ZNF282: variants seen among roughly 807,000 people sequenced by gnomAD.
ZNF282 encodes HTLV-I U5 repressive element-binding protein 1.
Under a neutral mutation model 61.9 loss-of-function variants are expected in ZNF282, and 30 were observed. That is an observed-to-expected ratio of 0.48 (90% confidence interval 0.36 to 0.66). The LOEUF (loss-of-function observed/expected upper bound fraction) is 0.66. Among genes scored for constraint, ZNF282 ranks in the 30% least tolerant of loss-of-function variants. The probability of loss-of-function intolerance (pLI) is 0.00; values close to 1 mark genes in which losing one functional copy is unlikely to be tolerated. For synonymous variants in ZNF282, 396 were observed against 405.0 expected, an observed-to-expected ratio of 0.98 and a Z score of 0.27; for missense variants, 788 against 941.4, an observed-to-expected ratio of 0.84 and a Z score of 2.13.
At chr7:149,213,024 G>A (rs560364248) in intron 6 of ZNF282, among the ~76,000 whole-genome samples, 2 of 152,290 alleles carry the variant, frequency 1.3e-5, no homozygotes, top group South Asian at 4.1e-4. Flanking sequence ...AACTTGTAGG[G>A]AGGGTCTAGG....
chr7:149,221,325 G>T (rs1029553688), intron 7 of ZNF282, among the ~76,000 whole-genome samples: 1 of 152,202 alleles, frequency 6.6e-6, no homozygotes, highest in African/African-American at 2.4e-5. Flanking sequence ...CAAGTGCCTG[G>T]GCTGCCGGGC....
In ZNF282 at chr7:149,215,195, ATTT is replaced by A. The variant is rs36096302; in HGVS notation, c.1180+1404_1180+1406del. The stretch of plus-strand genomic sequence containing the variant: ...GTGTTCCCTGTCCATATTTCCTGAC[ATTT>A]TTTTTTTTTTTTTTTTTTTTTTGAG... On this transcript the variant is annotated intron_variant, in intron 7 of 7. Transcript: ENST00000610704. Among the ~76,000 whole-genome samples, 362 of 90,668 alleles carry A rather than the reference ATTT, an allele frequency of 4.0e-3. 1 individual carries two copies. Among genetic ancestry groups the A allele is most frequent in the African/African-American group, 0.011 (258 of 23,786 alleles). 59.5% of individuals were successfully genotyped at this position (90,668 alleles called of 152,430 possible). A position where few individuals can be genotyped will look rare whatever the true frequency, so the allele number is the denominator to read the frequency against.
intron 2 of ZNF282, among the ~76,000 whole-genome samples, chr7:149,200,762 A>G (rs560816086): frequency 6.6e-6 from 1 of 151,954 alleles, no homozygotes; most frequent in African/African-American, 2.4e-5. Flanking sequence ...TGCCCACCTA[A>G]TTTTTTGTAT....
chr7:149,197,344 T>C (rs564150957), intron 1 of ZNF282, among the ~76,000 whole-genome samples: 1 of 152,344 alleles, frequency 6.6e-6, no homozygotes, highest in South Asian at 2.1e-4. Flanking sequence ...AGTGAACCTA[T>C]TTTCAATTTG....
At chr7:149,210,759 T>C (rs1796072662) in intron 5 of ZNF282, 55 bp downstream of exon 5, 1 of 1,473,876 alleles carries the variant, frequency 6.8e-7, no homozygotes, top group Non-Finnish European at 9.0e-7. Flanking sequence ...GGGAGAGGGT[T>C]AGCATGGTCT....
At position 149,213,732 on chromosome 7, in the gene ZNF282, A is replaced by AT. The variant is rs1563179114; in HGVS notation, c.1099dup (p.Trp367LeufsTer28). The AT allele has an allele frequency of 6.2e-7, 1 of 1,613,798 alleles. No individual in the cohort carries two copies. Among genetic ancestry groups the AT allele is most frequent in the African/African-American group, 1.3e-5 (1 of 74,854 alleles). On this transcript the variant is annotated frameshift_variant, in exon 7 of 8. Transcript: ENST00000610704. LOFTEE classifies it high-confidence loss of function. ...TCATCTCAGCACATGACATTTTGTC[A>AT]TGGATCAAGCAGGAGGAGCAGCCAT...
At chr7:149,221,476 A>G (rs1446376295) in intron 7 of ZNF282, among the ~76,000 whole-genome samples, 1 of 152,174 alleles carries the variant, frequency 6.6e-6, no homozygotes, top group South Asian at 2.1e-4. Context: ...TTCCCGGGAG[A>G]CAGCCCCTGG....
At chr7:149,221,243 T>C (rs577537715) in intron 7 of ZNF282, among the ~76,000 whole-genome samples, 2 of 152,306 alleles carry the variant, frequency 1.3e-5, no homozygotes, top group African/African-American at 4.8e-5. Flanking sequence ...TTCAGCTGCC[T>C]GAGTGCAGTC....
At chr7:149,214,811 C>T (rs541578257) in intron 7 of ZNF282, among the ~76,000 whole-genome samples, 46 of 152,122 alleles carry the variant, frequency 3.0e-4, no homozygotes, top group Admixed American at 2.0e-4. Flanking sequence ...CCAGCCTGGG[C>T]GAGAGCGAGA....
chr7:149,225,632 G>C lies in ZNF282; in HGVS notation c.*985G>C, dbSNP rs1796357522. On this transcript the variant is annotated 3_prime_UTR_variant, in exon 8 of 8. Coordinates refer to ENST00000610704, the MANE Select transcript of ZNF282 (RefSeq NM_003575.4). ...TTTGTTCCAGTTCTCCCAGGGCAGAGGGGCGAGGGAGAGGCTTTTGCTGTG... is the reference window on the plus strand; with the variant it reads ...TTTGTTCCAGTTCTCCCAGGGCAGACGGGCGAGGGAGAGGCTTTTGCTGTG... 6.5e-6 allele frequency: 1 copy of C among 152,968 alleles called. No homozygotes were observed. The highest frequency in any genetic ancestry group is 1.5e-5 in the Non-Finnish European group (1 of 68,306). 9.5% of individuals were successfully genotyped at this position (152,968 alleles called of 1,614,324 possible).
In ZNF282 at chr7:149,195,767, C is replaced by A. The variant is rs1795805290; in HGVS notation, c.165+13C>A. The A allele has an allele frequency of 6.1e-6, 9 of 1,483,394 alleles. No individual in the cohort carries two copies. Among genetic ancestry groups the A allele is most frequent in the Non-Finnish European group, 8.0e-6 (9 of 1,120,612 alleles). 91.9% of individuals were successfully genotyped at this position (1,483,394 alleles called of 1,614,324 possible). On this transcript the variant is annotated intron_variant, in intron 1 of 7. Transcript: ENST00000610704. ...GCCGCCCATGCAGGTGGGAGAACCC[C>A]GCCGGCGCCATGGCCGCGCTGCCGT...
In ZNF282 at chr7:149,213,698, C is replaced by G; in HGVS notation, c.1067-3C>G. 2 of 1,609,110 alleles carry G rather than the reference C, an allele frequency of 1.2e-6. No individual in the cohort carries two copies. Among genetic ancestry groups the G allele is most frequent in the Non-Finnish European group, 1.7e-6 (2 of 1,175,966 alleles). The stretch of plus-strand genomic sequence containing the variant: ...TAAGACTGCCTTCTTTCCATGACAA[C>G]AGAGTCTCTCATCTCAGCACATGAC... On this transcript the variant is annotated splice_polypyrimidine_tract_variant and splice_region_variant and intron_variant, in intron 6 of 7. Transcript: ENST00000610704.
chr7:149,216,533 C>A (rs1411970091), intron 7 of ZNF282, among the ~76,000 whole-genome samples: 1 of 152,232 alleles, frequency 6.6e-6, no homozygotes, highest in Non-Finnish European at 1.5e-5. Flanking sequence ...AACCTCTGTT[C>A]TTTCTCCCAA....
At chr7:149,196,576 C>G (rs1421169340) in intron 1 of ZNF282, among the ~76,000 whole-genome samples, 1 of 152,164 alleles carries the variant, frequency 6.6e-6, no homozygotes, top group Non-Finnish European at 1.5e-5. Flanking sequence ...GCTCAGGGGC[C>G]CCTCTGCTCA....
intron 7 of ZNF282, among the ~76,000 whole-genome samples, chr7:149,220,058 C>A (rs920868700): frequency 6.6e-6 from 1 of 152,066 alleles, no homozygotes; most frequent in African/African-American, 2.4e-5. Flanking sequence ...GATAACTAGA[C>A]CATTGTCTCG....
chr7:149,207,292 CT>C, intron 3 of ZNF282, 58 bp from the exon 4 acceptor site: 4 of 1,549,740 alleles, frequency 2.6e-6, no homozygotes, highest in Non-Finnish European at 3.5e-6. Context: ...CTCCCTTCCC[CT>C]TGCTGGATGC....
chr7:149,197,933 A>G (rs573164422), intron 1 of ZNF282, among the ~76,000 whole-genome samples: 2 of 152,390 alleles, frequency 1.3e-5, no homozygotes, highest in African/African-American at 4.8e-5. Flanking sequence ...TGGGAAGATT[A>G]GCGTCAGCTA....
chr7:149,221,052 TG>T (rs1276842367), intron 7 of ZNF282, among the ~76,000 whole-genome samples: 1 of 152,070 alleles, frequency 6.6e-6, no homozygotes, highest in African/African-American at 2.4e-5. Context: ...TCTGAGTAGC[TG>T]GGACCACAGG....
intron 7 of ZNF282, among the ~76,000 whole-genome samples, chr7:149,219,616 G>T (rs1443005258): frequency 6.6e-6 from 1 of 152,130 alleles, no homozygotes; most frequent in Non-Finnish European, 1.5e-5. Context: ...GGAGGCCGAG[G>T]CAGGTGGATC....
Sources: allele counts gnomAD v4.1 joint callset (sites outside exome capture counted in the v4.1 genomes callset), GRCh38; gene constraint gnomAD v4.1.1; transcripts MANE v1.5; gene names NCBI Gene and HGNC (gene_info 2026-07-23, HGNC 2026-07-21).